Variants in MCTP2 observed in about 807,000 individuals in gnomAD.
MCTP2 encodes multiple C2 and transmembrane domain-containing protein 2.
Under a neutral mutation model 111.6 loss-of-function variants are expected in MCTP2, and 132 were observed. The observed-to-expected ratio is 1.18, with a 90% CI of 1.03 to 1.37. The LOEUF (loss-of-function observed/expected upper bound fraction) is 1.37, where lower values mean the gene tolerates loss of function less well. Ranked by LOEUF, MCTP2 falls within the 40% of genes most tolerant of loss-of-function variation. MCTP2 has a pLI of 0.00. For missense variants in MCTP2, 1,183 were observed against 1,067.9 expected (o/e 1.11, Z -1.50); for synonymous variants, 395 against 387.7 (o/e 1.02, Z -0.22).
intron 19 of MCTP2, among the ~76,000 whole-genome samples, chr15:94,444,073 C>T (rs1230227113): frequency 6.8e-6 from 1 of 147,054 alleles, no homozygotes; most frequent in Non-Finnish European, 1.5e-5. Context: ...GCCTCCTGTT[C>T]TTCAGACTGG....
At chr15:94,355,158 G>A (rs2078547283) in intron 8 of MCTP2, among the ~76,000 whole-genome samples, 1 of 152,208 alleles carries the variant, frequency 6.6e-6, no homozygotes, top group South Asian at 2.1e-4. Flanking sequence ...TATGCACTGT[G>A]TATTTAATAT....
At chr15:94,435,835 T>G (rs1485939569) in intron 17 of MCTP2, among the ~76,000 whole-genome samples, 1 of 149,952 alleles carries the variant, frequency 6.7e-6, no homozygotes. Flanking sequence ...GTTTCACCGT[T>G]TTAGCCGGGA....
At chr15:94,409,976 T>C (rs2082083960) in intron 17 of MCTP2, among the ~76,000 whole-genome samples, 1 of 150,550 alleles carries the variant, frequency 6.6e-6, no homozygotes, top group Non-Finnish European at 1.5e-5. Flanking sequence ...ACCTCCTTAG[T>C]TTCCCTACTT....
At position 94,480,648 on chromosome 15, in the gene MCTP2, A is replaced by G. The variant is rs1430997991; in HGVS notation, c.*1614A>G. ...ATGCCTCATTGTCTTGCTTCTAACTATCATCTAGTTTATCATAGTCTGTCA... is the reference window on the plus strand; with the variant it reads ...ATGCCTCATTGTCTTGCTTCTAACTGTCATCTAGTTTATCATAGTCTGTCA... On this transcript the variant is annotated 3_prime_UTR_variant, in exon 23 of 23. Transcript: ENST00000357742. 6.6e-6 allele frequency: 1 copy of G among 152,258 alleles called. No individual in the cohort carries two copies. Among genetic ancestry groups the G allele is most frequent in the East Asian group, 1.9e-4 (1 of 5,206 alleles). 9.4% of individuals were successfully genotyped at this position (152,258 alleles called of 1,614,324 possible).
At chr15:94,403,169 C>T (rs2081693136) in intron 17 of MCTP2, 2 of 985,662 alleles carry the variant, frequency 2.0e-6, no homozygotes, top group South Asian at 9.4e-5. Context: ...CCTATGCTGC[C>T]TGTAGGCTTG....
intron 8 of MCTP2, among the ~76,000 whole-genome samples, chr15:94,351,697 TCTTA>T (rs2078311668): frequency 6.6e-6 from 1 of 152,238 alleles, no homozygotes; most frequent in African/African-American, 2.4e-5. Flanking sequence ...CAGTGCCTTT[TCTTA>T]CTTCTCTCTT....
intron 2 of MCTP2, among the ~76,000 whole-genome samples, 192 bp from the exon 3 acceptor site, chr15:94,314,090 C>T (rs182154532): frequency 6.4e-4 from 97 of 152,270 alleles, no homozygotes; most frequent in African/African-American, 2.0e-3. Context: ...GTGACTTAGG[C>T]GGCAGAGGAC....
At chr15:94,476,562 G>A (rs1175497920) in intron 21 of MCTP2, 134 bp from the exon 22 acceptor site, 14 of 550,308 alleles carry the variant, frequency 2.5e-5, no homozygotes, top group South Asian at 9.9e-5. Context: ...CGAGTCAGGC[G>A]AGTTTTTGAA....
chr15:94,416,132 G>C (rs2082367925), intron 17 of MCTP2, among the ~76,000 whole-genome samples: 1 of 152,114 alleles, frequency 6.6e-6, no homozygotes, highest in Non-Finnish European at 1.5e-5. Flanking sequence ...TCTTAGATCA[G>C]TTCAAATTGC....
chr15:94,440,620 G>A (rs548490010), intron 18 of MCTP2, among the ~76,000 whole-genome samples: 7 of 152,270 alleles, frequency 4.6e-5, no homozygotes, highest in African/African-American at 7.2e-5. Flanking sequence ...AGTCACTAGC[G>A]AGAAACCTTT....
chr15:94,474,329 T>C (rs1268871799), intron 21 of MCTP2, among the ~76,000 whole-genome samples: 1 of 152,218 alleles, frequency 6.6e-6, no homozygotes, highest in Non-Finnish European at 1.5e-5. Context: ...GGTAGCCCTC[T>C]GCATTGTTGT....
At chr15:94,336,676 CATATAT>C (rs10644556) in intron 4 of MCTP2, among the ~76,000 whole-genome samples, 8 of 146,740 alleles carry the variant, frequency 5.5e-5, no homozygotes, top group African/African-American at 2.0e-4. Context: ...TTTTGCTTAG[CATATAT>C]ATATATATAT....
intron 2 of MCTP2, among the ~76,000 whole-genome samples, chr15:94,304,927 A>C (rs1462972017): frequency 6.6e-6 from 1 of 152,064 alleles, no homozygotes; most frequent in Non-Finnish European, 1.5e-5. Flanking sequence ...ACATTATTTC[A>C]TTAATTGTAT....
At chr15:94,235,659 C>A (rs529106406) in intron 1 of MCTP2, among the ~76,000 whole-genome samples, 2 of 152,296 alleles carry the variant, frequency 1.3e-5, no homozygotes, top group African/African-American at 4.8e-5. Context: ...TCTTAATCTT[C>A]GGTACAAACC....
At chr15:94,384,168 G>A (rs760887084) in intron 13 of MCTP2, 44 bp downstream of exon 13, 3 of 1,316,926 alleles carry the variant, frequency 2.3e-6, no homozygotes, top group Non-Finnish European at 3.3e-6. Context: ...GTGCTTGGAA[G>A]GTAGTCTGGG....
intron 17 of MCTP2, among the ~76,000 whole-genome samples, chr15:94,419,320 AT>A (rs1172261187): frequency 2.6e-5 from 4 of 152,148 alleles, no homozygotes; most frequent in Admixed American, 6.6e-5. Context: ...GAAATAGTAC[AT>A]TTCACTGCTC....
intron 20 of MCTP2, among the ~76,000 whole-genome samples, chr15:94,463,599 T>G (rs1470401075): frequency 6.6e-6 from 1 of 152,196 alleles, no homozygotes; most frequent in African/African-American, 2.4e-5. Flanking sequence ...GTACTGGCTA[T>G]TAGCTGTCAT....
chr15:94,393,911 G>A lies in MCTP2; in HGVS notation c.1789-5050G>A, dbSNP rs569116159. Among the ~76,000 whole-genome samples the A allele has an allele frequency of 2.6e-5, 4 of 151,844 alleles. No individual in the cohort carries two copies. In the East Asian group the frequency reaches 5.8e-4, roughly 22 times the overall value. On this transcript the variant is annotated intron_variant, in intron 14 of 22. Transcript: ENST00000357742. ...CTAAAAATACAAAAATTAGCTGGGC[G>A]TGGTGGCGTGCTTCTGTAATCCCAG...
intron 10 of MCTP2, among the ~76,000 whole-genome samples, chr15:94,364,706 G>GA (rs950037301): frequency 6.6e-6 from 1 of 151,956 alleles, no homozygotes; most frequent in Non-Finnish European, 1.5e-5. Context: ...CAATTTGAGG[G>GA]AAAAAAGCCT....
Sources: gnomAD v4.1 joint callset for allele counts (sites outside exome capture counted in the v4.1 genomes callset) on GRCh38, gnomAD v4.1.1 for gene constraint, MANE v1.5 for transcripts, NCBI Gene and HGNC (gene_info 2026-07-23, HGNC 2026-07-21) for gene names.